The following KIRREL3 variants were observed in gnomAD, a reference collection of about 807,000 sequenced individuals.
The protein encoded by KIRREL3 is kirre like nephrin family adhesion molecule 3.
A neutral mutation model predicts 89.7 loss-of-function variants in KIRREL3; 36 were observed. The ratio of observed to expected loss-of-function variants is 0.40; its 90% CI spans 0.31 to 0.53. The LOEUF (loss-of-function observed/expected upper bound fraction) is 0.53. Ranked by LOEUF, KIRREL3 falls within the 20% of genes least tolerant of loss-of-function variation. KIRREL3 has a pLI of 0.49. For missense variants in KIRREL3, 864 were observed against 1,056.6 expected (o/e 0.82, Z 2.53); for synonymous variants, 445 against 441.4 (o/e 1.01, Z -0.10).
intron 1 of KIRREL3, among the ~76,000 whole-genome samples, chr11:126,592,844 ACT>A (rs1170809257): frequency 1.3e-5 from 2 of 152,094 alleles, no homozygotes; most frequent in East Asian, 1.9e-4. Context: ...GGAGCAAGAC[ACT>A]CTCAGCTCAG....
intron 1 of KIRREL3, among the ~76,000 whole-genome samples, chr11:126,644,047 G>A (rs756164127): frequency 1.3e-5 from 2 of 152,184 alleles, no homozygotes. Context: ...CCAGGCCATC[G>A]TCCAGAACTA....
rs1955668555 is a variant in KIRREL3, at chr11:126,443,533, G to A, written c.1252+1446C>T. On this transcript the variant is annotated intron_variant, in intron 10 of 16. Coordinates refer to ENST00000525144, the MANE Select transcript of KIRREL3 (RefSeq NM_032531.4). The surrounding 1 kb of genome is among the most constrained non-coding windows in gnomAD (Gnocchi z 7.3). ...CAGGACAGGTGGCTGTGAACGTGCT[G>A]GGGTCTGGGTAGACTCAGCCTCCCT... Among the ~76,000 whole-genome samples, 1 of 152,066 alleles carries A rather than the reference G, an allele frequency of 6.6e-6. No individual in the cohort carries two copies. Among genetic ancestry groups the A allele is most frequent in the Non-Finnish European group, 1.5e-5 (1 of 67,992 alleles).
chr11:126,883,000 C>CAGTA (rs1448608111), intron 1 of KIRREL3, among the ~76,000 whole-genome samples: 2 of 152,192 alleles, frequency 1.3e-5, no homozygotes, highest in Admixed American at 1.3e-4. Context: ...GCCCCTCTGC[C>CAGTA]AGTACTCTAA....
intron 1 of KIRREL3, among the ~76,000 whole-genome samples, chr11:126,809,715 T>C (rs1461025723): frequency 6.6e-6 from 1 of 152,228 alleles, no homozygotes; most frequent in Non-Finnish European, 1.5e-5. Flanking sequence ...CCCCGCCCTG[T>C]ACAGGGCTTT....
Position 126,795,462 on chromosome 11 carries a change from C to T in KIRREL3, c.55+204993G>A, listed in dbSNP as rs1004760558. Among the ~76,000 whole-genome samples the T allele has an allele frequency of 2.6e-5, 4 of 152,160 alleles. No individual in the cohort carries two copies. Among genetic ancestry groups the T allele is most frequent in the Admixed American group, 2.0e-4 (3 of 15,276 alleles). On this transcript the variant is annotated intron_variant, in intron 1 of 16. Transcript: ENST00000525144. The surrounding 1 kb of genome is among the most constrained non-coding windows in gnomAD (Gnocchi z 4.1). The stretch of plus-strand genomic sequence containing the variant: ...TCTGCTCACTGCAACCTCCGCTTCC[C>T]GGATTCAAGCGATTCTCCTGCCTCA...
chr11:126,442,444 A>C (rs779825795), intron 10 of KIRREL3, among the ~76,000 whole-genome samples: 7 of 152,098 alleles, frequency 4.6e-5, no homozygotes, highest in Non-Finnish European at 1.0e-4. Flanking sequence ...TCTGCTTCTT[A>C]AAAGAAAATG....
rs549430194 is a variant in KIRREL3 at position 126,807,862 on chromosome 11, AT to A, written c.55+192592del. Among the ~76,000 whole-genome samples, 11 of 152,332 alleles carry A rather than the reference AT, an allele frequency of 7.2e-5. No homozygotes were observed. Among genetic ancestry groups the A allele is most frequent in the African/African-American group, 2.4e-4 (10 of 41,568 alleles). On this transcript the variant is annotated intron_variant, in intron 1 of 16. Coordinates refer to ENST00000525144, the MANE Select transcript of KIRREL3 (RefSeq NM_032531.4). The surrounding 1 kb of genome is among the most constrained non-coding windows in gnomAD (Gnocchi z 4.3). ...CACTTTACATATATTGTCTCAAATA[AT>A]AGTCCTCATAGGAAGGTGACGAAAG...
rs756969334 is a variant in KIRREL3 at position 126,562,943 on chromosome 11, G to A, written c.56-31C>T. 4 of 1,580,880 alleles carry A rather than the reference G, an allele frequency of 2.5e-6. No individual in the cohort carries two copies. In the South Asian group the frequency reaches 4.4e-5, roughly 18 times the overall value. ...AGAGAAGCATAGGTGGGTGAGTTGG[G>A]AATGGGAACAGGTCAGGCATTGTTG... On this transcript the variant is annotated intron_variant, in intron 1 of 16. Transcript: ENST00000525144. This position sits in a 1 kb window ranked among gnomAD's most constrained non-coding sequence, Gnocchi z 4.7.
intron 1 of KIRREL3, among the ~76,000 whole-genome samples, chr11:126,848,756 A>G (rs1944235838): frequency 6.6e-6 from 1 of 152,214 alleles, no homozygotes. Context: ...TCACTCTTCC[A>G]GATATCACCT....
At chr11:126,464,810 A>T (rs774346128) in intron 5 of KIRREL3, among the ~76,000 whole-genome samples, 6 of 152,214 alleles carry the variant, frequency 3.9e-5, no homozygotes, top group Non-Finnish European at 7.3e-5. Flanking sequence ...TGGCTTCTAC[A>T]GCTGTGAGAT....
rs1939241453 is a variant in KIRREL3, at chr11:126,551,309, G to T, written c.133+11526C>A. ...GGGTCTTAAGACCCACAATCAGAAA[G>T]TGGTGAAAGGTTAGAGTCCTGCGAT... On this transcript the variant is annotated intron_variant, in intron 2 of 16. Transcript: ENST00000525144. The surrounding 1 kb of genome is among the most constrained non-coding windows in gnomAD (Gnocchi z 4.9). 2.0e-5 allele frequency among the ~76,000 whole-genome samples: 3 copies of T among 152,140 alleles called. No individual in the cohort carries two copies. The highest frequency in any genetic ancestry group is 1.3e-4 in the Admixed American group (2 of 15,286).
At chr11:126,725,457 T>A (rs1004466989) in intron 1 of KIRREL3, among the ~76,000 whole-genome samples, 2 of 152,238 alleles carry the variant, frequency 1.3e-5, no homozygotes, top group African/African-American at 4.8e-5. Flanking sequence ...CATGGGCATT[T>A]CTTTCTTGAC....
chr11:126,923,130 T>G (rs530768409), intron 1 of KIRREL3, among the ~76,000 whole-genome samples: 2 of 16,294 alleles, frequency 1.2e-4, no homozygotes, highest in East Asian at 5.3e-3. Context: ...CTCCTTCTTC[T>G]CTTCTTCTTC....
rs1398538864 is a variant in KIRREL3 at position 126,683,164 on chromosome 11, A to T, written c.56-120252T>A. ...AGCCACAGCACCGGGTTACTTTGTT[A>T]CTCTTTAGGGGTATTGGAAATATTA... On this transcript the variant is annotated intron_variant, in intron 1 of 16. Transcript: ENST00000525144. The surrounding 1 kb of genome is among the most constrained non-coding windows in gnomAD (Gnocchi z 5.2). Among the ~76,000 whole-genome samples the T allele has an allele frequency of 2.0e-5, 3 of 151,966 alleles. No homozygotes were observed. The highest frequency in any genetic ancestry group is 7.3e-5 in the African/African-American group (3 of 41,372).
At chr11:126,798,969 T>G (rs908031989) in intron 1 of KIRREL3, among the ~76,000 whole-genome samples, 1 of 152,208 alleles carries the variant, frequency 6.6e-6, no homozygotes, top group African/African-American at 2.4e-5. Flanking sequence ...ACGAAAGGAC[T>G]TATGAACTAC....
At chr11:126,813,978 C>G (rs1951477668) in intron 1 of KIRREL3, among the ~76,000 whole-genome samples, 2 of 152,030 alleles carry the variant, frequency 1.3e-5, no homozygotes, top group African/African-American at 2.4e-5. Context: ...AAACAGACAA[C>G]CTGCAGAATG....
At position 126,842,759 on chromosome 11, in the gene KIRREL3, A is replaced by G. The variant is rs1192422486; in HGVS notation, c.55+157696T>C. ...GGGCCAGTTAATGTTATTGGTAATG[A>G]GGACACATTTACTCACAGAAAGTGG... is the stretch of plus-strand genomic sequence containing the variant. On this transcript the variant is annotated intron_variant, in intron 1 of 16. Coordinates refer to ENST00000525144, the MANE Select transcript of KIRREL3 (RefSeq NM_032531.4). Among the ~76,000 whole-genome samples the G allele has an allele frequency of 3.9e-5, 6 of 152,326 alleles. No individual in the cohort carries two copies. In the East Asian group the frequency reaches 1.2e-3, roughly 29 times the overall value.
At chr11:126,956,219 C>T (rs984825720) in intron 1 of KIRREL3, among the ~76,000 whole-genome samples, 2 of 152,188 alleles carry the variant, frequency 1.3e-5, no homozygotes, top group Non-Finnish European at 2.9e-5. Flanking sequence ...GGCATCGAGC[C>T]GTGCATGGGA....
At position 126,704,134 on chromosome 11, in the gene KIRREL3, G is replaced by A. The variant is rs781629852; in HGVS notation, c.56-141222C>T. 1.3e-5 allele frequency among the ~76,000 whole-genome samples: 2 copies of A among 152,206 alleles called. No individual in the cohort carries two copies. The highest frequency in any genetic ancestry group is 2.4e-5 in the African/African-American group (1 of 41,446). On this transcript the variant is annotated intron_variant, in intron 1 of 16. Transcript: ENST00000525144. This position sits in a 1 kb window ranked among gnomAD's most constrained non-coding sequence, Gnocchi z 4.2. ...TGAACTTAGCACCTGCTCTTGATATGTATGCCCAGAAGGCTGTCACACAAT... is the reference window on the plus strand; with the variant it reads ...TGAACTTAGCACCTGCTCTTGATATATATGCCCAGAAGGCTGTCACACAAT...
Sources: allele counts gnomAD v4.1 joint callset (sites outside exome capture counted in the v4.1 genomes callset), GRCh38; gene constraint gnomAD v4.1.1; non-coding constraint Gnocchi (gnomAD v3.1); transcripts MANE v1.5; gene names NCBI Gene and HGNC (gene_info 2026-07-23, HGNC 2026-07-21).